The following ANKRD36C variants were observed in gnomAD, a reference collection of about 807,000 sequenced individuals.
The protein encoded by ANKRD36C is ankyrin repeat domain-containing protein 36C.
A neutral mutation model predicts 276.4 loss-of-function variants in ANKRD36C; 61 were observed. The observed-to-expected ratio is 0.22, with a 90% CI of 0.18 to 0.27. ANKRD36C has a LOEUF of 0.27. Among genes scored for constraint, ANKRD36C ranks in the 10% least tolerant of loss-of-function variants. ANKRD36C has a pLI of 1.00. For missense variants in ANKRD36C, 1,447 were observed against 2,032.3 expected (o/e 0.71, Z 5.54); for synonymous variants, 483 against 680.1 (o/e 0.71, Z 4.51).
intron 22 of ANKRD36C, among the ~76,000 whole-genome samples, chr2:95,935,867 T>C (rs908889445): frequency 2.6e-5 from 4 of 152,358 alleles, no homozygotes; most frequent in East Asian, 1.9e-4. Flanking sequence ...TGGTGTACCC[T>C]GAAGAAAATC....
chr2:95,855,722 A>C (rs1181687335), exon 63 of ANKRD36C: 2 of 1,613,256 alleles, frequency 1.2e-6, no homozygotes, highest in Admixed American at 3.3e-5. Context: ...GTTGCAGAGA[A>C]AGAATCAGAA....
intron 1 of ANKRD36C, among the ~76,000 whole-genome samples, chr2:95,989,993 T>C (rs1286302848): frequency 1.3e-5 from 2 of 152,246 alleles, no homozygotes; most frequent in Non-Finnish European, 2.9e-5. Context: ...TTTTATCTAA[T>C]ATGTATATAC....
intron 20 of ANKRD36C, among the ~76,000 whole-genome samples, chr2:95,940,353 A>G (rs1452232292): frequency 6.6e-6 from 1 of 152,258 alleles, no homozygotes; most frequent in African/African-American, 2.4e-5. Flanking sequence ...AATATTTGCC[A>G]TGATTATTGA....
In ANKRD36C at chr2:95,914,413, G is replaced by C. The variant is rs1006052247; in HGVS notation, c.2450-110C>G. On this transcript the variant is annotated intron_variant, in intron 38 of 66. Transcript: ENST00000456556. Reference sequence around the variant, plus strand: ...CTGTCTTCCTGCCTGTATTAGCGTAGTCTTTGATGGCTTCTACTTTGTGTC... The same window carrying C: ...CTGTCTTCCTGCCTGTATTAGCGTACTCTTTGATGGCTTCTACTTTGTGTC... The C allele has an allele frequency of 1.8e-5, 24 of 1,357,298 alleles. No individual in the cohort carries two copies. In the Middle Eastern group the frequency reaches 1.3e-3, roughly 72 times the overall value. 84.1% of individuals were successfully genotyped at this position (1,357,298 alleles called of 1,614,324 possible).
At chr2:95,896,007 A>T (rs1361967182) in intron 44 of ANKRD36C, among the ~76,000 whole-genome samples, 1 of 146,814 alleles carries the variant, frequency 6.8e-6, no homozygotes, top group African/African-American at 2.5e-5. Flanking sequence ...TACTAAAAAC[A>T]TTCATCATGC....
intron 19 of ANKRD36C, among the ~76,000 whole-genome samples, 190 bp downstream of exon 19, chr2:95,944,437 C>A (rs1408634294): frequency 1.3e-5 from 2 of 152,164 alleles, no homozygotes; most frequent in African/African-American, 4.8e-5. Flanking sequence ...AACTTCCATT[C>A]CTTTATAGGA....
At chr2:95,936,698 CT>C (rs1677728211) in intron 22 of ANKRD36C, among the ~76,000 whole-genome samples, 1 of 151,634 alleles carries the variant, frequency 6.6e-6, no homozygotes, top group Non-Finnish European at 1.5e-5. Flanking sequence ...CACTTGTACT[CT>C]TTTTTGTTGA....
intron 34 of ANKRD36C, among the ~76,000 whole-genome samples, chr2:95,920,841 T>G (rs1677244028): frequency 6.6e-6 from 1 of 150,402 alleles, no homozygotes. Flanking sequence ...ATCCAAGAGA[T>G]AGCTCCTGGA....
chr2:95,890,039 TAA>T (rs757694395), intron 46 of ANKRD36C, 45 bp from the exon 67 acceptor site: 2 of 1,588,932 alleles, frequency 1.3e-6, no homozygotes, highest in Admixed American at 1.7e-5. Context: ...GTAAATATGA[TAA>T]AGTTATTCAT....
chr2:95,851,098 G>A (rs1297205479), downstream of ANKRD36C: 42 of 1,223,982 alleles, frequency 3.4e-5, 1 homozygote, highest in South Asian at 1.7e-4. Context: ...AGGGAATACC[G>A]TTCACTACTT....
At position 95,879,238 on chromosome 2, in the gene ANKRD36C, T is replaced by G. The variant is rs1009398712; in HGVS notation, c.3469+1189A>C. Among the ~76,000 whole-genome samples the G allele has an allele frequency of 2.0e-4, 30 of 152,160 alleles. 2 individuals carry two copies. The highest frequency in any genetic ancestry group is 2.0e-3 in the Admixed American group (30 of 15,274). On this transcript the variant is annotated intron_variant, in intron 58 of 66. Transcript: ENST00000456556. ...ACATGTTGTCAGTCCTTTGTGGGTG[T>G]GAGAAATTTCAAAAATAGAGCTCAT...
chr2:95,978,136 A>G, exon 6 of ANKRD36C: 1 of 1,264,998 alleles, frequency 7.9e-7, no homozygotes, highest in Non-Finnish European at 1.1e-6. Context: ...ATTGCTATTT[A>G]TAGAAAGCTC....
At chr2:95,879,549 C>T (rs1235068402) in intron 58 of ANKRD36C, among the ~76,000 whole-genome samples, 1 of 151,912 alleles carries the variant, frequency 6.6e-6, no homozygotes, top group Non-Finnish European at 1.5e-5. Flanking sequence ...ATCAAACTAT[C>T]TCATCTACTC....
chr2:95,889,729 C>A lies in ANKRD36C; in HGVS notation c.2959+70G>T, dbSNP rs1342332638. 8 of 1,519,410 alleles carry A rather than the reference C, an allele frequency of 5.3e-6. No homozygotes were observed. In the African/African-American group the frequency reaches 1.1e-4, roughly 21 times the overall value. 94.1% of individuals were successfully genotyped at this position (1,519,410 alleles called of 1,614,324 possible). On this transcript the variant is annotated intron_variant, in intron 48 of 66. Coordinates refer to ENST00000456556, the Ensembl canonical transcript of ANKRD36C. ...TGAAGATTTGACGAACCCCCCGCTG[C>A]TTTATTTGGTGAAGAGAAGATCTCT...
intron 19 of ANKRD36C, among the ~76,000 whole-genome samples, chr2:95,943,578 T>A (rs1366003667): frequency 6.6e-6 from 1 of 151,298 alleles, no homozygotes; most frequent in Non-Finnish European, 1.5e-5. Flanking sequence ...TTATTTTCCC[T>A]CTTATTATCA....
chr2:95,959,717 T>A (rs1438898659), intron 10 of ANKRD36C, among the ~76,000 whole-genome samples: 1 of 152,238 alleles, frequency 6.6e-6, no homozygotes, highest in Non-Finnish European at 1.5e-5. Flanking sequence ...GTTAGCTCTC[T>A]GAACAACAAA....
intron 6 of ANKRD36C, among the ~76,000 whole-genome samples, chr2:95,972,607 T>C (rs991194029): frequency 1.1e-4 from 16 of 152,218 alleles, no homozygotes; most frequent in Non-Finnish European, 1.9e-4. Flanking sequence ...AGAGGTGGTC[T>C]TGGGAAACTC....
intron 26 of ANKRD36C, among the ~76,000 whole-genome samples, chr2:95,928,186 A>G (rs1049124228): frequency 2.0e-5 from 3 of 151,696 alleles, no homozygotes; most frequent in Non-Finnish European, 4.4e-5. Flanking sequence ...ATATTCATTG[A>G]AAATCACCAC....
intron 26 of ANKRD36C, among the ~76,000 whole-genome samples, chr2:95,928,182 A>C (rs1677462605): frequency 1.3e-5 from 2 of 151,666 alleles, no homozygotes; most frequent in Non-Finnish European, 3.0e-5. Flanking sequence ...TCCAATATTC[A>C]TTGAAAATCA....
Sources: allele counts gnomAD v4.1 joint callset (sites outside exome capture counted in the v4.1 genomes callset), GRCh38; gene constraint gnomAD v4.1.1; transcripts MANE v1.5; gene names NCBI Gene and HGNC (gene_info 2026-07-23, HGNC 2026-07-21).